Variants in PRDM16 observed in about 807,000 individuals in gnomAD.
The protein encoded by PRDM16 is histone-lysine N-methyltransferase PRDM16.
A neutral mutation model predicts 110.6 loss-of-function variants in PRDM16; 23 were observed. The ratio of observed to expected loss-of-function variants is 0.21; its 90% confidence interval spans 0.15 to 0.29. PRDM16 has a LOEUF of 0.29. Among genes scored for constraint, PRDM16 ranks in the 10% least tolerant of loss-of-function variants. The pLI is 1.00. For synonymous variants in PRDM16, 799 were observed against 781.8 expected (o/e 1.02, Z -0.37); for missense variants, 1,615 against 1,794.3 (o/e 0.90, Z 1.81).
In PRDM16 at chr1:3,412,349, T is replaced by C; in HGVS notation, c.2152T>C (p.Ser718Pro). ...GGGGATGCAGGAGAAGAAGCTGGGCTCGCTCCCCTACCACTCGGCGTTCCC... is the reference window on the plus strand; with the variant it reads ...GGGGATGCAGGAGAAGAAGCTGGGCCCGCTCCCCTACCACTCGGCGTTCCC... ...FMGMQEKKLG[S>P]LPYHSAFPFQ... Residue 718 changes from serine to proline, a missense_variant, in exon 9 of 17, where the codon TCG becomes CCG. By Grantham distance (74) the Ser-to-Pro change is moderately conservative. Coordinates refer to ENST00000270722, the MANE Select transcript of PRDM16 (RefSeq NM_022114.4). 6.2e-7 allele frequency: 1 copy of C among 1,613,722 alleles called. No homozygotes were observed. Among genetic ancestry groups the C allele is most frequent in the South Asian group, 1.1e-5 (1 of 91,084 alleles).
At chr1:3,283,081 G>C (rs1640747075) in intron 3 of PRDM16, among the ~76,000 whole-genome samples, 1 of 152,230 alleles carries the variant, frequency 6.6e-6, no homozygotes, top group Admixed American at 6.5e-5. Context: ...AGCAGGTGCG[G>C]GGTGCGTCTT....
Position 3,346,801 on chromosome 1 carries a change from C to T in PRDM16, c.439-38351C>T, listed in dbSNP as rs571489182. Among the ~76,000 whole-genome samples, 85 of 152,292 alleles carry T rather than the reference C, an allele frequency of 5.6e-4. 1 individual carries two copies. Among genetic ancestry groups the T allele is most frequent in the Admixed American group, 1.8e-3 (28 of 15,306 alleles). On this transcript the variant is annotated intron_variant, in intron 3 of 16. Coordinates refer to ENST00000270722, the MANE Select transcript of PRDM16 (RefSeq NM_022114.4). ...GGAAGGGGCTCCTCTCACGTTCGCC[C>T]GCCCCAGTGGCCTAGTGACCGGCTG...
chr1:3,286,465 C>T (rs779648010), intron 3 of PRDM16, among the ~76,000 whole-genome samples: 49 of 152,128 alleles, frequency 3.2e-4, no homozygotes, highest in Non-Finnish European at 5.7e-4. Flanking sequence ...GCTCTGCAGA[C>T]GGCAACATGG....
intron 3 of PRDM16, among the ~76,000 whole-genome samples, chr1:3,355,723 A>G (rs1407852084): frequency 6.6e-6 from 1 of 152,154 alleles, no homozygotes; most frequent in Non-Finnish European, 1.5e-5. Context: ...GGCCGGGAGA[A>G]GTGCAGCCGC....
Position 3,353,494 on chromosome 1 carries a change from C to T in PRDM16, c.439-31658C>T, listed in dbSNP as rs1642535070. Among the ~76,000 whole-genome samples, 2 of 152,228 alleles carry T rather than the reference C, an allele frequency of 1.3e-5. No homozygotes were observed. Among genetic ancestry groups the T allele is most frequent in the Admixed American group, 6.5e-5 (1 of 15,292 alleles). On this transcript the variant is annotated intron_variant, in intron 3 of 16. Coordinates refer to ENST00000270722, the MANE Select transcript of PRDM16 (RefSeq NM_022114.4). This position sits in a 1 kb window ranked among gnomAD's most constrained non-coding sequence, Gnocchi z 5.4. ...AGCACTGGCCCTGGCTTCTGGCAGGCACCTGGGCCATGGGAGCCCAAGGGT... is the reference window on the plus strand; with the variant it reads ...AGCACTGGCCCTGGCTTCTGGCAGGTACCTGGGCCATGGGAGCCCAAGGGT...
Position 3,183,468 on chromosome 1 carries a change from C to T in PRDM16, c.38-2657C>T, listed in dbSNP as rs549702384. ...AAAATGTTTTCTGCACACGAATTAG[C>T]CCTCCTCTCACCCACCCTTGAAAGA... is the stretch of plus-strand genomic sequence containing the variant. On this transcript the variant is annotated intron_variant, in intron 1 of 16. Transcript: ENST00000270722. Among the ~76,000 whole-genome samples the T allele has an allele frequency of 3.3e-5, 5 of 152,328 alleles. No homozygotes were observed. In the South Asian group the frequency reaches 1.0e-3, roughly 32 times the overall value.
intron 3 of PRDM16, among the ~76,000 whole-genome samples, chr1:3,321,637 ATG>A (rs1237819825): frequency 4.1e-5 from 6 of 147,056 alleles, no homozygotes; most frequent in Non-Finnish European, 7.5e-5. Flanking sequence ...ATGTGTATGT[ATG>A]TGTGATTGTG....
In PRDM16 at chr1:3,186,265, T is replaced by C. The variant is rs1361547661; in HGVS notation, c.178T>C (p.Phe60Leu). ...GTCCCCCTTCCCCACCAGCGAGGAC[T>C]TCACCCCCAAGGAGGGCTCGCCGTA... Reference protein sequence around the residue: ...PPSPFPTSEDFTPKEGSPYEA... With the variant: ...PPSPFPTSEDLTPKEGSPYEA... Residue 60 changes from phenylalanine (F) to leucine (L), a missense_variant, in exon 2 of 17, where the codon TTC becomes CTC. Physicochemically the swap from Phe to Leu is conservative, Grantham distance 22 (BLOSUM62 0). This residue lies in a region of PRDM16 where 416 missense variants were observed against 467.1 expected (regional missense o/e 0.89). Coordinates refer to ENST00000270722, the MANE Select transcript of PRDM16 (RefSeq NM_022114.4). 6.2e-7 allele frequency: 1 copy of C among 1,612,058 alleles called. No homozygotes were observed.
Position 3,249,026 on chromosome 1 carries a change from C to G in PRDM16, c.438+4889C>G, listed in dbSNP as rs866194505. On this transcript the variant is annotated intron_variant, in intron 3 of 16. Transcript: ENST00000270722. ...GAGGCCACACACCCTGAGGTCTAAA[C>G]GCAGCTGGGACCTCGCTGGGACTCC... Among the ~76,000 whole-genome samples, 186 of 152,182 alleles carry G rather than the reference C, an allele frequency of 1.2e-3. 1 individual carries two copies. The highest frequency in any genetic ancestry group is 4.2e-3 in the African/African-American group (175 of 41,436).
chr1:3,214,389 C>A (rs149595041), intron 2 of PRDM16, among the ~76,000 whole-genome samples: 1 of 152,134 alleles, frequency 6.6e-6, no homozygotes, highest in African/African-American at 2.4e-5. Flanking sequence ...CCGTCAGACT[C>A]GCAGGCCTCA....
At chr1:3,134,966 G>A (rs1005954493) in intron 1 of PRDM16, among the ~76,000 whole-genome samples, 6 of 152,298 alleles carry the variant, frequency 3.9e-5, no homozygotes, top group South Asian at 2.1e-4. Flanking sequence ...GGGAGCTGCC[G>A]GGGAGCTGCC....
At chr1:3,089,735 G>A (rs1457806128) in intron 1 of PRDM16, among the ~76,000 whole-genome samples, 4 of 152,212 alleles carry the variant, frequency 2.6e-5, no homozygotes, top group Non-Finnish European at 5.9e-5. Flanking sequence ...CCTCCGGGCC[G>A]AGCCTGATCC....
At chr1:3,357,122 G>T (rs1218162887) in intron 3 of PRDM16, among the ~76,000 whole-genome samples, 1 of 152,264 alleles carries the variant, frequency 6.6e-6, no homozygotes, top group South Asian at 2.1e-4. Context: ...CCCAAGGAAG[G>T]CTGCATGCCG....
At chr1:3,202,595 G>A (rs1241252218) in intron 2 of PRDM16, among the ~76,000 whole-genome samples, 2 of 152,190 alleles carry the variant, frequency 1.3e-5, no homozygotes, top group African/African-American at 4.8e-5. Context: ...GAAGGATGGT[G>A]TGTGCCGTCT....
At chr1:3,374,924 G>A (rs925407949) in intron 3 of PRDM16, among the ~76,000 whole-genome samples, 11 of 152,216 alleles carry the variant, frequency 7.2e-5, no homozygotes, top group Non-Finnish European at 7.4e-5. Flanking sequence ...CGAAGTGGCC[G>A]CCACAGGCAC....
chr1:3,323,830 G>A (rs1641821361), intron 3 of PRDM16, among the ~76,000 whole-genome samples: 1 of 152,252 alleles, frequency 6.6e-6, no homozygotes, highest in African/African-American at 2.4e-5. Flanking sequence ...GACGGCTTAT[G>A]TAATGATGTC....
At chr1:3,197,017 A>T (rs941988494) in intron 2 of PRDM16, among the ~76,000 whole-genome samples, 2 of 152,290 alleles carry the variant, frequency 1.3e-5, no homozygotes, top group African/African-American at 4.8e-5. Flanking sequence ...GCTTCACACC[A>T]CTGGCTCATC....
rs77888709 is a variant in PRDM16 at position 3,335,236 on chromosome 1, G to C, written c.439-49916G>C. 6.5e-3 allele frequency among the ~76,000 whole-genome samples: 996 copies of C among 152,316 alleles called. 32 individuals carry two copies. The East Asian group carries it at 0.084, about 13-fold the overall frequency. ...AAGCGTGTTTGGGGAGCTGGTGTCT[G>C]GGTGCAAAGGGAAGCCAGATCACCA... On this transcript the variant is annotated intron_variant, in intron 3 of 16. Transcript: ENST00000270722.
intron 3 of PRDM16, among the ~76,000 whole-genome samples, chr1:3,322,295 C>T (rs760211884): frequency 5.3e-5 from 8 of 152,062 alleles, no homozygotes; most frequent in Non-Finnish European, 7.4e-5. Context: ...GAGCTCAGAG[C>T]GAGGGGAAAC....
Sources: gnomAD v4.1 joint callset for allele counts (sites outside exome capture counted in the v4.1 genomes callset) on GRCh38, gnomAD v4.1.1 for gene constraint, gnomAD v4.1.1 regional missense constraint, Gnocchi (gnomAD v3.1) non-coding constraint, MANE v1.5 for transcripts, NCBI Gene and HGNC (gene_info 2026-07-23, HGNC 2026-07-21) for gene names.